BABAM2: variants seen among roughly 807,000 people sequenced by gnomAD.
The protein encoded by BABAM2 is BRISC and BRCA1-A complex member 2.
Under a neutral mutation model 54.7 loss-of-function variants are expected in BABAM2, and 31 were observed. That is an observed-to-expected ratio of 0.57 (90% CI 0.43 to 0.77). BABAM2 has a LOEUF of 0.77. BABAM2 is among the 30% of genes least tolerant of loss of function. The pLI, the probability that BABAM2 is intolerant of heterozygous loss-of-function variation, is 0.00. For synonymous variants in BABAM2, 167 were observed against 162.9 expected (o/e 1.03, Z -0.19); for missense variants, 364 against 455.8 (o/e 0.80, Z 1.83).
intron 7 of BABAM2, among the ~76,000 whole-genome samples, chr2:28,134,155 G>A (rs75148150): frequency 0.014 from 1,896 of 136,844 alleles, 41 homozygotes; most frequent in African/African-American, 0.05. Flanking sequence ...AATTAGACAC[G>A]AGTAAGTTCT....
chr2:28,145,312 C>T (rs1676836286), intron 7 of BABAM2, among the ~76,000 whole-genome samples: 2 of 152,258 alleles, frequency 1.3e-5, no homozygotes, highest in Admixed American at 1.3e-4. Context: ...TAGACCCTTA[C>T]ATTTTTCAGC....
intron 4 of BABAM2, among the ~76,000 whole-genome samples, chr2:28,020,323 G>T (rs1675156824): frequency 6.6e-6 from 1 of 152,072 alleles, no homozygotes; most frequent in South Asian, 2.1e-4. Flanking sequence ...TGTGAAGTAT[G>T]CTATTATGTT....
intron 3 of BABAM2, among the ~76,000 whole-genome samples, chr2:27,966,003 A>C (rs1417424756): frequency 1.3e-5 from 2 of 151,728 alleles, no homozygotes; most frequent in Non-Finnish European, 2.9e-5. Flanking sequence ...GATTTTGATG[A>C]TTTCATTTCT....
intron 6 of BABAM2, among the ~76,000 whole-genome samples, chr2:28,076,192 T>C (rs995470103): frequency 2.0e-5 from 3 of 152,064 alleles, no homozygotes; most frequent in Non-Finnish European, 4.4e-5. Flanking sequence ...GAGGATCGCT[T>C]GAGCCTGGGA....
At chr2:28,306,386 T>C (rs1394129878) in intron 11 of BABAM2, among the ~76,000 whole-genome samples, 2 of 152,192 alleles carry the variant, frequency 1.3e-5, no homozygotes, top group Non-Finnish European at 2.9e-5. Context: ...TTTTACTTTT[T>C]ATATCTTAAA....
At chr2:28,046,052 C>G (rs887967976) in intron 6 of BABAM2, among the ~76,000 whole-genome samples, 1 of 152,092 alleles carries the variant, frequency 6.6e-6, no homozygotes, top group Non-Finnish European at 1.5e-5. Flanking sequence ...TGGGAAAAAT[C>G]GCTTTTATTT....
chr2:27,917,014 CTTT>C (rs753765833), intron 2 of BABAM2, among the ~76,000 whole-genome samples: 16 of 90,078 alleles, frequency 1.8e-4, no homozygotes, highest in Admixed American at 2.4e-4. Context: ...TCACTCCAAA[CTTT>C]TTTTTTTTTT....
chr2:27,903,279 A>G (rs951179943), intron 2 of BABAM2, among the ~76,000 whole-genome samples: 2 of 152,280 alleles, frequency 1.3e-5, no homozygotes, highest in Admixed American at 1.3e-4. Context: ...GTGAAATGTC[A>G]TGATAGCCAG....
At chr2:28,228,568 C>T (rs574283217) in intron 7 of BABAM2, among the ~76,000 whole-genome samples, 2 of 152,230 alleles carry the variant, frequency 1.3e-5, no homozygotes, top group South Asian at 4.1e-4. Flanking sequence ...TCACTCCTGA[C>T]CTCTGGCTTT....
At chr2:28,256,749 C>T (rs1448435933) in intron 10 of BABAM2, among the ~76,000 whole-genome samples, 1 of 139,092 alleles carries the variant, frequency 7.2e-6, no homozygotes, top group Non-Finnish European at 1.5e-5. Context: ...GGCTGGAGTG[C>T]AATGGCACGA....
intron 11 of BABAM2, among the ~76,000 whole-genome samples, chr2:28,321,448 A>G (rs909443200): frequency 6.6e-6 from 1 of 152,182 alleles, no homozygotes; most frequent in African/African-American, 2.4e-5. Context: ...CCTCAGATCT[A>G]TGACCCAGGC....
intron 7 of BABAM2, among the ~76,000 whole-genome samples, chr2:28,227,354 T>A (rs1312328939): frequency 6.6e-6 from 1 of 152,140 alleles, no homozygotes; most frequent in Non-Finnish European, 1.5e-5. Flanking sequence ...GGCAAAAAGC[T>A]GCTCGGTGTG....
At chr2:28,167,697 A>AAAAAAAAAAAAT (rs1553333326) in intron 7 of BABAM2, among the ~76,000 whole-genome samples, 2 of 145,248 alleles carry the variant, frequency 1.4e-5, no homozygotes, top group South Asian at 2.2e-4. Context: ...CCATCTCAAA[A>AAAAAAAAAAAAT]AAATAAATAA....
At chr2:28,242,650 G>A (rs1158532497) in intron 9 of BABAM2, among the ~76,000 whole-genome samples, 1 of 152,140 alleles carries the variant, frequency 6.6e-6, no homozygotes, top group African/African-American at 2.4e-5. Flanking sequence ...AGGGAGAGAA[G>A]ATGAAACCAA....
intron 3 of BABAM2, among the ~76,000 whole-genome samples, chr2:27,947,382 A>G (rs1669376107): frequency 1.3e-5 from 2 of 152,238 alleles, no homozygotes; most frequent in South Asian, 4.2e-4. Flanking sequence ...CTACCATTAA[A>G]AATACTATAA....
At chr2:28,026,833 A>G (rs7570514) in intron 5 of BABAM2, among the ~76,000 whole-genome samples, 12 of 38,192 alleles carry the variant, frequency 3.1e-4, no homozygotes, top group African/African-American at 7.9e-4. Flanking sequence ...TATATATATA[A>G]ATATATATAA....
chr2:28,153,793 A>G (rs903679672), intron 7 of BABAM2, among the ~76,000 whole-genome samples: 9 of 152,256 alleles, frequency 5.9e-5, no homozygotes, highest in Admixed American at 4.6e-4. Context: ...ACTAAACTTT[A>G]GGAATATCTG....
chr2:28,248,474 G>T, intron 10 of BABAM2, among the ~76,000 whole-genome samples: 1 of 152,062 alleles, frequency 6.6e-6, no homozygotes, highest in East Asian at 1.9e-4. Context: ...TTCCCAAAGT[G>T]CTGGGATTAC....
At chr2:28,190,810 A>T (rs981011479) in intron 7 of BABAM2, among the ~76,000 whole-genome samples, 3 of 152,234 alleles carry the variant, frequency 2.0e-5, no homozygotes, top group Admixed American at 6.5e-5. Flanking sequence ...GGATTTCAAC[A>T]TATGATTTTG....
Sources: gnomAD v4.1 joint callset for allele counts (sites outside exome capture counted in the v4.1 genomes callset) on GRCh38, gnomAD v4.1.1 for gene constraint, MANE v1.5 for transcripts, NCBI Gene and HGNC (gene_info 2026-07-23, HGNC 2026-07-21) for gene names.